The following PSMD3 variants were observed in gnomAD, a reference collection of about 807,000 sequenced individuals.
PSMD3 encodes 26S proteasome non-ATPase regulatory subunit 3.
Under a neutral mutation model 62.8 loss-of-function variants are expected in PSMD3, and 5 were observed. The ratio of observed to expected loss-of-function variants is 0.08; its 90% CI spans 0.04 to 0.17. The LOEUF (loss-of-function observed/expected upper bound fraction) is 0.17, where lower values mean the gene tolerates loss of function less well. Ranked by LOEUF, PSMD3 falls within the 10% of genes least tolerant of loss-of-function variation. The pLI, the probability that PSMD3 is intolerant of heterozygous loss-of-function variation, is 1.00. For missense variants in PSMD3, 524 were observed against 713.6 expected (o/e 0.73, Z 3.03); for synonymous variants, 265 against 283.9 (o/e 0.93, Z 0.67).
intron 2 of PSMD3, among the ~76,000 whole-genome samples, chr17:39,985,937 A>T (rs368983235): frequency 6.6e-6 from 1 of 152,206 alleles, no homozygotes; most frequent in Non-Finnish European, 1.5e-5. Context: ...TAGTATTTGC[A>T]GTGGATCCAG....
chr17:39,982,848 A>G (rs1379860659), intron 1 of PSMD3, among the ~76,000 whole-genome samples: 1 of 152,238 alleles, frequency 6.6e-6, no homozygotes, highest in Admixed American at 6.5e-5. Flanking sequence ...CTTTGAAGCA[A>G]TCATCTTTGT....
chr17:39,991,218 C>T (rs1463647409), intron 6 of PSMD3, among the ~76,000 whole-genome samples: 1 of 151,998 alleles, frequency 6.6e-6, no homozygotes, highest in East Asian at 1.9e-4. Context: ...ACAGAGGTGC[C>T]ATCTTGGCTC....
chr17:39,996,081 C>T lies in PSMD3; in HGVS notation c.1321-102C>T, dbSNP rs1343009469. The T allele has an allele frequency of 3.8e-5, 54 of 1,430,684 alleles. No homozygotes were observed. Among genetic ancestry groups the T allele is most frequent in the Admixed American group, 2.1e-4 (12 of 57,650 alleles). The allele number at this position is 1,430,684 out of a possible 1,614,324, so 88.6% of individuals were successfully genotyped here. ...TTGCAGTGAGCTGAGATCGCACCACCGCACTCTCCTGCCTGGGTGACAGAG... is the reference window on the plus strand; with the variant it reads ...TTGCAGTGAGCTGAGATCGCACCACTGCACTCTCCTGCCTGGGTGACAGAG... On this transcript the variant is annotated intron_variant, in intron 9 of 11. Coordinates refer to ENST00000264639, the MANE Select transcript of PSMD3 (RefSeq NM_002809.4). This position sits in a 1 kb window ranked among gnomAD's most constrained non-coding sequence, Gnocchi z 5.1.
intron 4 of PSMD3, 97 bp from the exon 5 acceptor site, chr17:39,989,642 T>C: frequency 1.6e-6 from 2 of 1,212,722 alleles, no homozygotes; most frequent in Non-Finnish European, 2.3e-6. Flanking sequence ...AAGCAATTTG[T>C]ATAACTTTTT....
At chr17:39,987,262 C>T (rs1236193075) in intron 3 of PSMD3, among the ~76,000 whole-genome samples, 1 of 152,236 alleles carries the variant, frequency 6.6e-6, no homozygotes, top group Non-Finnish European at 1.5e-5. Context: ...TTCATCATAG[C>T]CACTGTCACA....
intron 6 of PSMD3, chr17:39,994,665 G>C: frequency 2.3e-6 from 1 of 428,754 alleles, no homozygotes; most frequent in Non-Finnish European, 4.3e-6. Context: ...TCACTTTAGA[G>C]CACTGTCATT....
chr17:39,988,890 G>A (rs1011338296), intron 4 of PSMD3, 71 bp downstream of exon 4: 118 of 1,571,336 alleles, frequency 7.5e-5, no homozygotes, highest in Non-Finnish European at 9.9e-5. Context: ...GCACACAGCT[G>A]TGGATCTGCA....
chr17:39,989,701 G>C (rs1473324651), intron 4 of PSMD3, 38 bp from the exon 5 acceptor site: 2 of 1,584,664 alleles, frequency 1.3e-6, no homozygotes, highest in African/African-American at 1.3e-5. Context: ...AGAGAGTTGT[G>C]ATTTGAAGGC....
At chr17:39,989,600 G>A (rs140203017) in intron 4 of PSMD3, 139 bp from the exon 5 acceptor site, 10 of 824,110 alleles carry the variant, frequency 1.2e-5, no homozygotes, top group Non-Finnish European at 1.9e-5. Context: ...TTAGGCACTC[G>A]ATAGTTAACA....
Position 39,996,060 on chromosome 17 carries a change from A to G in PSMD3, c.1321-123A>G. Reference sequence around the variant, plus strand: ...CTTGAACCCGGGAGGTAAAGGTTGCAGTGAGCTGAGATCGCACCACCGCAC... The same window carrying G: ...CTTGAACCCGGGAGGTAAAGGTTGCGGTGAGCTGAGATCGCACCACCGCAC... On this transcript the variant is annotated intron_variant, in intron 9 of 11. Transcript: ENST00000264639. The surrounding 1 kb of genome is among the most constrained non-coding windows in gnomAD (Gnocchi z 5.1). 1.7e-6 allele frequency: 2 copies of G among 1,201,572 alleles called. No individual in the cohort carries two copies. The highest frequency in any genetic ancestry group is 2.4e-6 in the Non-Finnish European group (2 of 831,604). 74.4% of individuals were successfully genotyped at this position (1,201,572 alleles called of 1,614,324 possible).
Position 39,997,606 on chromosome 17 carries a change from G to T in PSMD3, c.*25G>T. The T allele has an allele frequency of 6.3e-7, 1 of 1,585,276 alleles. No individual in the cohort carries two copies. Among genetic ancestry groups the T allele is most frequent in the Non-Finnish European group, 8.7e-7 (1 of 1,155,704 alleles). On this transcript the variant is annotated 3_prime_UTR_variant, in exon 12 of 12. Transcript: ENST00000264639. ...AGCTGGGGGGCTGGGGAGGGGTAGG[G>T]GGAATGGGGACAGGCTCTTTCCCCC...
Position 39,997,928 on chromosome 17 carries a change from G to T in PSMD3, c.*347G>T. ...GTATGTTTTTTGAAGCTTCGATTAT[G>T]ATTTTTAAACAATAAAAAGTTCTCC... On this transcript the variant is annotated 3_prime_UTR_variant, in exon 12 of 12. Coordinates refer to ENST00000264639, the MANE Select transcript of PSMD3 (RefSeq NM_002809.4). The T allele has an allele frequency of 6.0e-6, 2 of 333,312 alleles. No homozygotes were observed. The highest frequency in any genetic ancestry group is 1.1e-5 in the Non-Finnish European group (2 of 175,204). 20.6% of individuals were successfully genotyped at this position (333,312 alleles called of 1,614,324 possible).
chr17:39,996,120 CAAA>C lies in PSMD3; in HGVS notation c.1321-50_1321-48del, dbSNP rs35244421. On this transcript the variant is annotated intron_variant, in intron 9 of 11. Transcript: ENST00000264639. The surrounding 1 kb of genome is among the most constrained non-coding windows in gnomAD (Gnocchi z 5.1). ...TGGGTGACAGAGCGAGACTCCATCT[CAAA>C]AAAAAAAAAAAAGAAGAAGCTGGGT... 1.1e-3 allele frequency: 1,576 copies of C among 1,447,390 alleles called. No homozygotes were observed. The highest frequency in any genetic ancestry group is 1.2e-3 in the Middle Eastern group (5 of 4,148). The allele number at this position is 1,447,390 out of a possible 1,614,324, so 89.7% of individuals were successfully genotyped here. A position where few individuals can be genotyped will look rare whatever the true frequency, so the allele number is the denominator to read the frequency against.
intron 2 of PSMD3, among the ~76,000 whole-genome samples, chr17:39,985,590 C>A (rs528430864): frequency 5.9e-5 from 9 of 152,230 alleles, no homozygotes; most frequent in Non-Finnish European, 1.3e-4. Context: ...TCCTTAAAAT[C>A]CTGTATACTC....
chr17:39,993,991 A>C (rs928596194), intron 6 of PSMD3: 5 of 152,232 alleles, frequency 3.3e-5, no homozygotes, highest in African/African-American at 4.8e-5. Context: ...TGCGGTCCCA[A>C]CTGTCTCTTT....
chr17:39,981,239 C>A, intron 1 of PSMD3, 49 bp downstream of exon 1: 2 of 1,546,450 alleles, frequency 1.3e-6, no homozygotes, highest in Non-Finnish European at 1.7e-6. Context: ...GTGACAGCGA[C>A]CCCTGTGATT....
Position 39,992,174 on chromosome 17 carries a change from A to C in PSMD3, c.981+1977A>C, listed in dbSNP as rs187912007. On this transcript the variant is annotated intron_variant, in intron 6 of 11. Coordinates refer to ENST00000264639, the MANE Select transcript of PSMD3 (RefSeq NM_002809.4). ...GACACTAAAGTTTCTTTTGAAAATC[A>C]CTAAAAATACTAGTAATTAACATAT... is the stretch of plus-strand genomic sequence containing the variant. Among the ~76,000 whole-genome samples, 5 of 152,360 alleles carry C rather than the reference A, an allele frequency of 3.3e-5. No individual in the cohort carries two copies. In the East Asian group the frequency reaches 5.8e-4, roughly 18 times the overall value.
At chr17:39,990,229 C>CTTTTTTT in intron 6 of PSMD3, 32 bp downstream of exon 6, 3 of 1,156,184 alleles carry the variant, frequency 2.6e-6, no homozygotes, top group Non-Finnish European at 3.5e-6. Flanking sequence ...CCCTTTGCCT[C>CTTTTTTT]TTTTTTTTTT....
chr17:39,980,879 G>T lies in PSMD3; in HGVS notation c.-92G>T. ...CGGCCCGACGCTATCTCGCGCTCGT[G>T]TGCAGGCCCGGCTCGGCTCCTGGTC... On this transcript the variant is annotated 5_prime_UTR_variant, in exon 1 of 12. Transcript: ENST00000264639. 1 of 1,169,954 alleles carries T rather than the reference G, an allele frequency of 8.5e-7. No homozygotes were observed. Among genetic ancestry groups the T allele is most frequent in the Middle Eastern group, 3.0e-4 (1 of 3,354 alleles). 72.5% of individuals were successfully genotyped at this position (1,169,954 alleles called of 1,614,324 possible).
Sources: gnomAD v4.1 joint callset for allele counts (sites outside exome capture counted in the v4.1 genomes callset) on GRCh38, gnomAD v4.1.1 for gene constraint, Gnocchi (gnomAD v3.1) non-coding constraint, MANE v1.5 for transcripts, NCBI Gene and HGNC (gene_info 2026-07-23, HGNC 2026-07-21) for gene names.